The following MAP3K7 variants were observed in gnomAD, a reference collection of about 807,000 sequenced individuals.
The protein encoded by MAP3K7 is TGF-beta activated kinase 1.
A neutral mutation model predicts 84.8 loss-of-function variants in MAP3K7; 21 were observed. The observed-to-expected ratio is 0.25, with a 90% CI of 0.18 to 0.36. The LOEUF is 0.36. Ranked by LOEUF, MAP3K7 falls within the 10% of genes least tolerant of loss-of-function variation. The probability of loss-of-function intolerance (pLI) is 1.00; values close to 1 mark genes in which losing one functional copy is unlikely to be tolerated. For missense variants in MAP3K7, 503 were observed against 747.7 expected, an observed-to-expected ratio of 0.67 and a Z score of 3.82; for synonymous variants, 241 against 247.7, an observed-to-expected ratio of 0.97 and a Z score of 0.25.
intron 3 of MAP3K7, among the ~76,000 whole-genome samples, chr6:90,564,282 TAG>T (rs1184053942): frequency 2.0e-5 from 3 of 152,254 alleles, no homozygotes; most frequent in South Asian, 2.1e-4. Context: ...GCAAATTGGA[TAG>T]AGAGTCAAGA....
At chr6:90,525,799 T>A (rs574130088) in intron 13 of MAP3K7, among the ~76,000 whole-genome samples, 3 of 151,054 alleles carry the variant, frequency 2.0e-5, no homozygotes, top group Non-Finnish European at 4.4e-5. Context: ...CCTCTTGGCC[T>A]CAAGTGATCC....
At chr6:90,541,750 T>A (rs1306971697) in intron 12 of MAP3K7, among the ~76,000 whole-genome samples, 2 of 152,006 alleles carry the variant, frequency 1.3e-5, no homozygotes, top group Non-Finnish European at 2.9e-5. Flanking sequence ...TGGCATAGTA[T>A]ACACATTTTG....
chr6:90,559,335 C>T (rs1776433271), intron 5 of MAP3K7, among the ~76,000 whole-genome samples: 1 of 151,422 alleles, frequency 6.6e-6, no homozygotes, highest in Non-Finnish European at 1.5e-5. Context: ...ATACTGATTT[C>T]CTAAGGGAAA....
At chr6:90,550,239 C>G (rs1490863603) in intron 9 of MAP3K7, among the ~76,000 whole-genome samples, 2 of 151,986 alleles carry the variant, frequency 1.3e-5, no homozygotes, top group African/African-American at 4.8e-5. Flanking sequence ...TCTTTTTATT[C>G]ATAATTATGT....
In MAP3K7 at chr6:90,527,905, G is replaced by A. The variant is rs1383952348; in HGVS notation, c.1357-4122C>T. ...TTTTTTTTTTTTTTTTTGAGACGGA[G>A]TCTCGCTCTGTCGCCCAGGCTGGAG... On this transcript the variant is annotated intron_variant, in intron 13 of 16. Coordinates refer to ENST00000369329, the MANE Select transcript of MAP3K7 (RefSeq NM_145331.3). Among the ~76,000 whole-genome samples, 7 of 9,500 alleles carry A rather than the reference G, an allele frequency of 7.4e-4. 3 individuals are homozygous for A. The highest frequency in any genetic ancestry group is 1.4e-3 in the Non-Finnish European group (7 of 4,980). The allele number at this position is 9,500 out of a possible 152,430, so 6.2% of individuals were successfully genotyped here.
At chr6:90,557,230 AG>A (rs1776363541) in intron 5 of MAP3K7, among the ~76,000 whole-genome samples, 1 of 152,160 alleles carries the variant, frequency 6.6e-6, no homozygotes, top group Non-Finnish European at 1.5e-5. Flanking sequence ...GGACTTTCCT[AG>A]GTGTACTATT....
intron 3 of MAP3K7, among the ~76,000 whole-genome samples, chr6:90,565,840 C>A (rs1435452006): frequency 6.6e-6 from 1 of 152,156 alleles, no homozygotes; most frequent in Non-Finnish European, 1.5e-5. Context: ...CCGAATCCAG[C>A]AGCCCATCAA....
At position 90,519,255 on chromosome 6, in the gene MAP3K7, T is replaced by C. The variant is rs1775070075; in HGVS notation, c.1524+3A>G. The C allele has an allele frequency of 1.3e-6, 2 of 1,584,440 alleles. No individual in the cohort carries two copies. Among genetic ancestry groups the C allele is most frequent in the Non-Finnish European group, 1.7e-6 (2 of 1,162,866 alleles). On this transcript the variant is annotated splice_donor_region_variant and intron_variant, in intron 15 of 16. Coordinates refer to ENST00000369329, the MANE Select transcript of MAP3K7 (RefSeq NM_145331.3). ...AACTTTCAATAAGAAAGTACTCCTT[T>C]ACCTGTAGTTGGTGATCCAGTGTAA... is the stretch of plus-strand genomic sequence containing the variant.
intron 16 of MAP3K7, 61 bp from the exon 17 acceptor site, chr6:90,516,742 T>C: frequency 1.7e-5 from 22 of 1,308,178 alleles, no homozygotes; most frequent in Non-Finnish European, 2.3e-5. Context: ...TAGTAGCTGA[T>C]GATGGAAGCT....
At chr6:90,555,417 G>A (rs149740229) in intron 6 of MAP3K7, among the ~76,000 whole-genome samples, 1,669 of 151,988 alleles carry the variant, frequency 0.011, 14 homozygotes, top group Middle Eastern at 0.027. Context: ...CACCACGCCC[G>A]GCGAATTTTT....
rs182760160 is a variant in MAP3K7 at position 90,541,561 on chromosome 6, C to T, written c.1291+2991G>A. Among the ~76,000 whole-genome samples, 6 of 152,050 alleles carry T rather than the reference C, an allele frequency of 3.9e-5. No individual in the cohort carries two copies. The East Asian group carries it at 1.2e-3, about 30-fold the overall frequency. On this transcript the variant is annotated intron_variant, in intron 12 of 16. Transcript: ENST00000369329. ...GTGGAAAGAAGGAAGGGTTACCGTA[C>T]AAAAGTTTGTCAGTTCTTCAGAGCC...
intron 4 of MAP3K7, among the ~76,000 whole-genome samples, chr6:90,560,885 A>AGTT (rs1179298525): frequency 3.9e-5 from 6 of 152,208 alleles, no homozygotes; most frequent in Non-Finnish European, 7.3e-5. Context: ...GGCAGAGAAC[A>AGTT]GTACAGAAAG....
At chr6:90,522,916 T>G (rs973407777) in intron 14 of MAP3K7, among the ~76,000 whole-genome samples, 2 of 152,210 alleles carry the variant, frequency 1.3e-5, no homozygotes, top group African/African-American at 4.8e-5. Context: ...GAGATCATCT[T>G]TCCCTTCGTG....
chr6:90,558,474 T>C (rs1776406534), intron 5 of MAP3K7, among the ~76,000 whole-genome samples: 1 of 152,198 alleles, frequency 6.6e-6, no homozygotes, highest in Non-Finnish European at 1.5e-5. Flanking sequence ...GATTCTAAAG[T>C]CCAACTTGTA....
intron 14 of MAP3K7, among the ~76,000 whole-genome samples, chr6:90,522,623 C>CTAAATTTAAATTT: frequency 6.6e-6 from 1 of 152,192 alleles, no homozygotes; most frequent in South Asian, 2.1e-4. Context: ...AGGGGTGAAA[C>CTAAATTTAAATTT]AGGAGTTTTT....
At chr6:90,573,325 A>G (rs1260927220) in intron 1 of MAP3K7, among the ~76,000 whole-genome samples, 1 of 152,188 alleles carries the variant, frequency 6.6e-6, no homozygotes, top group Admixed American at 6.6e-5. Context: ...TCCTGGCACA[A>G]AACTCTTCTA....
intron 6 of MAP3K7, among the ~76,000 whole-genome samples, chr6:90,556,078 G>A (rs140671179): frequency 3.9e-5 from 6 of 152,294 alleles, no homozygotes; most frequent in South Asian, 2.1e-4. Flanking sequence ...GAAACAAGAC[G>A]GAAAAACGTT....
intron 1 of MAP3K7, among the ~76,000 whole-genome samples, chr6:90,575,424 A>T (rs1220218139): frequency 6.6e-6 from 1 of 152,180 alleles, no homozygotes; most frequent in African/African-American, 2.4e-5. Flanking sequence ...CCCTAAGAGC[A>T]GGCATCCTCA....
chr6:90,586,199 C>T (rs1376239148), intron 1 of MAP3K7, among the ~76,000 whole-genome samples: 3 of 151,456 alleles, frequency 2.0e-5, no homozygotes, highest in Admixed American at 6.6e-5. Flanking sequence ...GGTGAAACCC[C>T]GTCTCTACTA....
Sources: allele counts gnomAD v4.1 joint callset (sites outside exome capture counted in the v4.1 genomes callset), GRCh38; gene constraint gnomAD v4.1.1; transcripts MANE v1.5; gene names NCBI Gene and HGNC (gene_info 2026-07-23, HGNC 2026-07-21).